The following OSBPL9 variants were observed in gnomAD, a reference collection of about 807,000 sequenced individuals.
The protein encoded by OSBPL9 is oxysterol-binding protein-related protein 9.
OSBPL9 carries 40 observed loss-of-function variants against 106.6 expected under a neutral mutation model. The observed-to-expected ratio is 0.38, with a 90% CI of 0.29 to 0.49. The LOEUF is 0.49. OSBPL9 is among the 20% of genes least tolerant of loss of function. The pLI is 0.97. For synonymous variants in OSBPL9, 269 were observed against 295.4 expected (o/e 0.91, Z 0.92); for missense variants, 609 against 887.2 (o/e 0.69, Z 3.98).
intron 14 of OSBPL9, among the ~76,000 whole-genome samples, chr1:51,776,604 T>G (rs866480785): frequency 3.3e-5 from 5 of 152,176 alleles, no homozygotes; most frequent in South Asian, 2.1e-4. Context: ...AAGTGACATT[T>G]GAACATTCAA....
At chr1:51,575,134 T>C (rs975141036), upstream of OSBPL9, among the ~76,000 whole-genome samples, 3 of 152,214 alleles carry the variant, frequency 2.0e-5, no homozygotes, top group Non-Finnish European at 4.4e-5. Flanking sequence ...GTAAACTTTA[T>C]TTGATCTTCT....
chr1:51,555,308 G>A, the OSBPL9 span, among the ~76,000 whole-genome samples: 3 of 151,870 alleles, frequency 2.0e-5, no homozygotes, highest in African/African-American at 7.3e-5. Context: ...TGACCAACAT[G>A]GCGAAACCCT....
intron 3 of OSBPL9, among the ~76,000 whole-genome samples, chr1:51,706,795 G>A (rs888449245): frequency 2.6e-5 from 4 of 151,864 alleles, no homozygotes; most frequent in African/African-American, 7.2e-5. Context: ...AGTTCTACAT[G>A]TTTTCTAATT....
chr1:51,596,472 T>C (rs1023426956), intron 1 of OSBPL9, among the ~76,000 whole-genome samples: 1 of 144,998 alleles, frequency 6.9e-6, no homozygotes, highest in African/African-American at 2.6e-5. Context: ...GGCAGGAGAA[T>C]CACTTGAACC....
chr1:51,702,370 G>A (rs541689994), intron 3 of OSBPL9, among the ~76,000 whole-genome samples: 1 of 152,238 alleles, frequency 6.6e-6, no homozygotes, highest in African/African-American at 2.4e-5. Flanking sequence ...TCTCATTGTG[G>A]TTTTGATTTG....
chr1:51,644,360 G>A lies in OSBPL9; in HGVS notation c.112-7631G>A, dbSNP rs372978082. On this transcript the variant is annotated intron_variant, in intron 1 of 23. Coordinates refer to ENST00000428468, the MANE Select transcript of OSBPL9 (RefSeq NM_024586.6). ...TTTTGTTTTTGAGACGGAGTCTTGC[G>A]CTGTTGCCCAGGCTGGAGTGTAGTG... is the stretch of plus-strand genomic sequence containing the variant. 4.9e-4 allele frequency among the ~76,000 whole-genome samples: 74 copies of A among 151,976 alleles called. 3 individuals carry two copies. In the South Asian group the frequency reaches 0.012, roughly 24 times the overall value.
At chr1:51,618,112 G>A (rs145671828) in intron 1 of OSBPL9, among the ~76,000 whole-genome samples, 1,926 of 152,026 alleles carry the variant, frequency 0.013, 39 homozygotes, top group African/African-American at 0.042. Context: ...CTGCCTCTCG[G>A]GTTCAAGCGA....
intron 4 of OSBPL9, among the ~76,000 whole-genome samples, chr1:51,734,164 GAGAGA>G (rs1326704086): frequency 6.6e-6 from 1 of 152,244 alleles, no homozygotes; most frequent in Non-Finnish European, 1.5e-5. Context: ...ACGCAGGAGA[GAGAGA>G]AGAGAACTGT....
chr1:51,771,378 C>T (rs886569608), intron 12 of OSBPL9, among the ~76,000 whole-genome samples: 1 of 152,004 alleles, frequency 6.6e-6, no homozygotes, highest in Admixed American at 6.6e-5. Flanking sequence ...ACCTGTAAAC[C>T]CAGTGACTTG....
chr1:51,599,849 G>C (rs1377497605), intron 2 of OSBPL9, among the ~76,000 whole-genome samples: 2 of 152,136 alleles, frequency 1.3e-5, no homozygotes, highest in African/African-American at 4.8e-5. Flanking sequence ...CACAGTTCTG[G>C]AGGCTGGGAC....
the OSBPL9 span, among the ~76,000 whole-genome samples, chr1:51,556,569 G>A: frequency 4.6e-5 from 7 of 152,116 alleles, no homozygotes; most frequent in East Asian, 1.4e-3. Flanking sequence ...TTGGGAGGCC[G>A]AGGTCAGGAC....
At chr1:51,607,426 A>G (rs942076244) in intron 2 of OSBPL9, among the ~76,000 whole-genome samples, 3 of 152,118 alleles carry the variant, frequency 2.0e-5, no homozygotes, top group Non-Finnish European at 4.4e-5. Context: ...CCTCCCAAAG[A>G]GCTAGGATTA....
the OSBPL9 span, among the ~76,000 whole-genome samples, chr1:51,557,584 G>A: frequency 1.2e-4 from 18 of 152,254 alleles, 1 homozygote; most frequent in South Asian, 8.3e-4. Flanking sequence ...AACTGTGTTC[G>A]ACTAAAGCCT....
chr1:51,745,278 C>T (rs747146424), intron 4 of OSBPL9: 1 of 372,342 alleles, frequency 2.7e-6, no homozygotes, highest in Non-Finnish European at 4.7e-6. Flanking sequence ...GAAAGTGATT[C>T]TGGAGAGAAG....
chr1:51,548,975 G>T, the OSBPL9 span, among the ~76,000 whole-genome samples: 3 of 152,220 alleles, frequency 2.0e-5, no homozygotes, highest in East Asian at 5.8e-4. Context: ...CAGTCCTCCA[G>T]CCCCAAAACA....
At chr1:51,726,875 A>G (rs1387469503) in intron 4 of OSBPL9, among the ~76,000 whole-genome samples, 1 of 152,132 alleles carries the variant, frequency 6.6e-6, no homozygotes, top group Non-Finnish European at 1.5e-5. Flanking sequence ...AAGATGGGTA[A>G]ATTTGCTTTG....
chr1:51,764,160 G>A (rs1672092960), intron 11 of OSBPL9, among the ~76,000 whole-genome samples: 1 of 152,050 alleles, frequency 6.6e-6, no homozygotes, highest in African/African-American at 2.4e-5. Context: ...AAGAAATAAA[G>A]GAATAAGATA....
intron 1 of OSBPL9, among the ~76,000 whole-genome samples, chr1:51,637,037 A>C (rs1645493344): frequency 6.6e-6 from 1 of 152,156 alleles, no homozygotes; most frequent in African/African-American, 2.4e-5. Context: ...GTTGAGAAAA[A>C]CCTTTAAGGA....
At chr1:51,762,342 T>G (rs564412805) in intron 11 of OSBPL9, among the ~76,000 whole-genome samples, 1 of 152,204 alleles carries the variant, frequency 6.6e-6, no homozygotes, top group African/African-American at 2.4e-5. Flanking sequence ...ATTTTTAATT[T>G]TTGTAGAGAG....
Sources: allele counts gnomAD v4.1 joint callset (sites outside exome capture counted in the v4.1 genomes callset), GRCh38; gene constraint gnomAD v4.1.1; transcripts MANE v1.5; gene names NCBI Gene and HGNC (gene_info 2026-07-23, HGNC 2026-07-21).